The following MAP3K8 variants were observed in gnomAD, a reference collection of about 807,000 sequenced individuals.
The protein encoded by MAP3K8 is mitogen-activated protein kinase kinase kinase 8.
MAP3K8 carries 22 observed loss-of-function variants against 45.8 expected under a neutral mutation model. That is an observed-to-expected ratio of 0.48 (90% CI 0.34 to 0.69). MAP3K8 has a LOEUF of 0.69. MAP3K8 is among the 30% of genes least tolerant of loss of function. MAP3K8 has a pLI of 0.01. For synonymous variants in MAP3K8, 223 were observed against 214.3 expected (o/e 1.04, Z -0.36); for missense variants, 419 against 585.0 (o/e 0.72, Z 2.93).
At chr10:30,458,588 T>C (rs1459080575) in intron 7 of MAP3K8, among the ~76,000 whole-genome samples, 1 of 152,266 alleles carries the variant, frequency 6.6e-6, no homozygotes, top group East Asian at 1.9e-4. Context: ...TTATTATTAA[T>C]GTTCACACCA....
chr10:30,450,197 T>G lies in MAP3K8; in HGVS notation c.505-61T>G. The G allele has an allele frequency of 2.7e-6, 4 of 1,495,270 alleles. No homozygotes were observed. In the South Asian group the frequency reaches 4.0e-5, roughly 15 times the overall value. 92.6% of individuals were successfully genotyped at this position (1,495,270 alleles called of 1,614,324 possible). ...TTTTGTTTTTTGCATTGACCTATAT[T>G]TTATATTTTTAAGATGACTTTGGGG... On this transcript the variant is annotated intron_variant, in intron 4 of 8. Transcript: ENST00000263056.
chr10:30,451,539 T>C, intron 5 of MAP3K8, 99 bp from the exon 6 acceptor site: 1 of 588,102 alleles, frequency 1.7e-6, no homozygotes, highest in East Asian at 2.9e-5. Flanking sequence ...CATTTCAGTC[T>C]TTTCTGATTG....
rs1019127465 is a variant in MAP3K8, at chr10:30,434,540, G to A, written c.-255+162G>A. 5 of 985,626 alleles carry A rather than the reference G, an allele frequency of 5.1e-6. No individual in the cohort carries two copies. The African/African-American group carries it at 5.2e-5, about 10-fold the overall frequency. The allele number at this position is 985,626 out of a possible 1,614,324, so 61.1% of individuals were successfully genotyped here. A position where few individuals can be genotyped will look rare whatever the true frequency, so the allele number is the denominator to read the frequency against. On this transcript the variant is annotated intron_variant, in intron 1 of 8. Transcript: ENST00000263056. The stretch of plus-strand genomic sequence containing the variant: ...CCACAGCTGCGCTCGCGGGTCGCCG[G>A]CTGCACCAGGCACAGCTGGAAAGCA...
intron 5 of MAP3K8, 111 bp downstream of exon 5, chr10:30,450,630 C>A: frequency 1.1e-6 from 1 of 870,924 alleles, no homozygotes; most frequent in Non-Finnish European, 1.8e-6. Context: ...GGAAAGCTCC[C>A]TCAGAGCACC....
At chr10:30,453,070 A>G (rs939916741) in intron 6 of MAP3K8, among the ~76,000 whole-genome samples, 2 of 152,180 alleles carry the variant, frequency 1.3e-5, no homozygotes, top group Non-Finnish European at 2.9e-5. Flanking sequence ...AATCCTTACA[A>G]CAACCCAGTT....
At chr10:30,439,643 C>T (rs1030802054) in intron 3 of MAP3K8, among the ~76,000 whole-genome samples, 3 of 152,162 alleles carry the variant, frequency 2.0e-5, no homozygotes, top group African/African-American at 7.2e-5. Context: ...AACCCCGTCT[C>T]TACTAAAAAT....
chr10:30,447,914 G>A lies in MAP3K8; in HGVS notation c.469G>A (p.Asp157Asn). 1 of 1,612,200 alleles carries A rather than the reference G, an allele frequency of 6.2e-7. No homozygotes were observed. The highest frequency in any genetic ancestry group is 8.5e-7 in the Non-Finnish European group (1 of 1,179,612). Residue 157 changes from aspartate (D) to asparagine (N), a missense_variant, in exon 4 of 9, where the codon GAT becomes AAT. Physicochemically the swap from Asp to Asn is conservative, Grantham distance 23. Coordinates refer to ENST00000263056, the MANE Select transcript of MAP3K8 (RefSeq NM_005204.4). The part of the protein sequence containing the change: ...GAFGKVYLAQ[D>N]IKTKKRMACK... The stretch of plus-strand genomic sequence containing the variant: ...CTTTGGAAAGGTATACTTGGCACAA[G>A]ATATAAAGACGAAGAAAAGAATGGC...
intron 3 of MAP3K8, among the ~76,000 whole-genome samples, chr10:30,446,490 G>A (rs1368940219): frequency 4.0e-5 from 6 of 150,178 alleles, no homozygotes; most frequent in South Asian, 4.2e-4. Context: ...AGCCAAGATC[G>A]TGCCATTGCA....
In MAP3K8 at chr10:30,460,963, C is replaced by A. The variant is rs942217106; in HGVS notation, c.*127C>A. The stretch of plus-strand genomic sequence containing the variant: ...GAAGGAGCAGTGTGACCTCCTGTGA[C>A]CCGTGAATGTGCCTCCAAGCGGCCC... On this transcript the variant is annotated 3_prime_UTR_variant, in exon 9 of 9. Transcript: ENST00000263056. The A allele has an allele frequency of 4.1e-6, 5 of 1,231,172 alleles. No homozygotes were observed. In the African/African-American group the frequency reaches 6.1e-5, roughly 15 times the overall value. The allele number at this position is 1,231,172 out of a possible 1,614,324, so 76.3% of individuals were successfully genotyped here. A position where few individuals can be genotyped will look rare whatever the true frequency, so the allele number is the denominator to read the frequency against.
intron 6 of MAP3K8, among the ~76,000 whole-genome samples, chr10:30,453,471 G>A (rs959035771): frequency 6.6e-6 from 1 of 152,102 alleles, no homozygotes; most frequent in African/African-American, 2.4e-5. Flanking sequence ...ACCCAGAAAA[G>A]CCTTTCTTTC....
chr10:30,448,297 C>G (rs2132808839), intron 4 of MAP3K8, among the ~76,000 whole-genome samples: 1 of 152,140 alleles, frequency 6.6e-6, no homozygotes, highest in East Asian at 1.9e-4. Context: ...TTCATTCCGC[C>G]CACTGCAGAG....
chr10:30,440,059 T>C (rs1309645490), intron 3 of MAP3K8, among the ~76,000 whole-genome samples: 1 of 152,234 alleles, frequency 6.6e-6, no homozygotes, highest in African/African-American at 2.4e-5. Context: ...CTCTCTTTCA[T>C]TGGCAAAGTA....
chr10:30,434,486 C>A (rs1835846718), intron 1 of MAP3K8, 108 bp downstream of exon 1: 6 of 985,606 alleles, frequency 6.1e-6, no homozygotes, highest in Non-Finnish European at 6.0e-6. Flanking sequence ...GAGGGGAAAA[C>A]TCTGGCGTGG....
chr10:30,451,971 A>G (rs1836555586), intron 6 of MAP3K8, among the ~76,000 whole-genome samples: 1 of 152,114 alleles, frequency 6.6e-6, no homozygotes, highest in African/African-American at 2.4e-5. Context: ...AATACATAAT[A>G]GTATTTGTAA....
chr10:30,445,650 A>G (rs1210307173), intron 3 of MAP3K8, among the ~76,000 whole-genome samples: 1 of 152,158 alleles, frequency 6.6e-6, no homozygotes, highest in Non-Finnish European at 1.5e-5. Flanking sequence ...GCATGCTGCA[A>G]AAGAGGCCTC....
intron 8 of MAP3K8, 38 bp downstream of exon 8, chr10:30,459,539 C>T: frequency 6.2e-7 from 1 of 1,608,138 alleles, no homozygotes; most frequent in Non-Finnish European, 8.5e-7. Flanking sequence ...ACTTACTTCC[C>T]TTCTCTTTCT....
intron 5 of MAP3K8, 42 bp downstream of exon 5, chr10:30,450,561 T>G (rs1412042278): frequency 6.3e-7 from 1 of 1,591,914 alleles, no homozygotes; most frequent in Non-Finnish European, 8.6e-7. Flanking sequence ...TCAAAGAGAC[T>G]AGTTATTCAG....
At position 30,460,897 on chromosome 10, in the gene MAP3K8, C is replaced by CCT. The variant is rs1296208402; in HGVS notation, c.*64_*65dup. The CCT allele has an allele frequency of 1.9e-6, 3 of 1,598,552 alleles. No individual in the cohort carries two copies. Among genetic ancestry groups the CCT allele is most frequent in the Non-Finnish European group, 2.6e-6 (3 of 1,174,996 alleles). The stretch of plus-strand genomic sequence containing the variant: ...GATCTCCTGGAGGCTGGTTCTGCTG[C>CCT]CTCTACACAGGGGCCCTGTACAGTG... On this transcript the variant is annotated 3_prime_UTR_variant, in exon 9 of 9. Coordinates refer to ENST00000263056, the MANE Select transcript of MAP3K8 (RefSeq NM_005204.4).
intron 4 of MAP3K8, 87 bp from the exon 5 acceptor site, chr10:30,450,171 C>T: frequency 3.8e-6 from 5 of 1,317,420 alleles, no homozygotes; most frequent in Non-Finnish European, 5.2e-6. Context: ...ATTTATTTGC[C>T]TTTTGTTTTT....
Sources: allele counts gnomAD v4.1 joint callset (sites outside exome capture counted in the v4.1 genomes callset), GRCh38; gene constraint gnomAD v4.1.1; transcripts MANE v1.5; gene names NCBI Gene and HGNC (gene_info 2026-07-23, HGNC 2026-07-21).